The following PCDHA5 variants were observed in gnomAD, a reference collection of about 807,000 sequenced individuals.
The protein encoded by PCDHA5 is protocadherin alpha-5.
A neutral mutation model predicts 61.6 loss-of-function variants in PCDHA5; 43 were observed. That is an observed-to-expected ratio of 0.70 (90% CI 0.55 to 0.90). The LOEUF (loss-of-function observed/expected upper bound fraction) is 0.90. Among genes scored for constraint, PCDHA5 ranks in the 40% least tolerant of loss-of-function variants. The pLI, the probability that PCDHA5 is intolerant of heterozygous loss-of-function variation, is 0.00. For missense variants in PCDHA5, 1,298 were observed against 1,222.7 expected (o/e 1.06, Z -0.92); for synonymous variants, 627 against 543.9 (o/e 1.15, Z -2.13).
At chr5:140,959,614 G>T (rs1175211325) in intron 1 of PCDHA5, among the ~76,000 whole-genome samples, 1 of 152,024 alleles carries the variant, frequency 6.6e-6, no homozygotes, top group African/African-American at 2.4e-5. Context: ...TTTCTTGCTT[G>T]TGATAGAAAA....
rs782495760 is a variant in PCDHA5 at position 141,010,201 on chromosome 5, C to T, written c.*264C>T. Reference sequence around the variant, plus strand: ...GCAGACCCAAGTTTCCTTTCTCCTCCGCCGCAAAGGAGAGGCTTCCCAGCC... The same window carrying T: ...GCAGACCCAAGTTTCCTTTCTCCTCTGCCGCAAAGGAGAGGCTTCCCAGCC... On this transcript the variant is annotated 3_prime_UTR_variant, in exon 4 of 4. Coordinates refer to ENST00000529859, the MANE Select transcript of PCDHA5 (RefSeq NM_018908.3). The T allele has an allele frequency of 1.3e-5, 20 of 1,552,034 alleles. No individual in the cohort carries two copies. The East Asian group carries it at 1.7e-4, about 13-fold the overall frequency.
chr5:140,858,571 C>A lies in PCDHA5; in HGVS notation c.2352+34444C>A, dbSNP rs377514565. On this transcript the variant is annotated intron_variant, in intron 1 of 3. Transcript: ENST00000529859. ...TATGCTTGAATATTTCTAGTGATAC[C>A]TTTGTAATATAATTTATTCCAGGAG... 1.0e-4 allele frequency: 142 copies of A among 1,362,202 alleles called. 6 individuals carry two copies. The highest frequency in any genetic ancestry group is 1.4e-4 in the Non-Finnish European group (135 of 988,482). The allele number at this position is 1,362,202 out of a possible 1,614,324, so 84.4% of individuals were successfully genotyped here. A position where few individuals can be genotyped will look rare whatever the true frequency, so the allele number is the denominator to read the frequency against.
chr5:141,010,446 C>G lies in PCDHA5; in HGVS notation c.*509C>G, dbSNP rs951181939. 39 of 944,590 alleles carry G rather than the reference C, an allele frequency of 4.1e-5. No homozygotes were observed. Among genetic ancestry groups the G allele is most frequent in the Non-Finnish European group, 5.6e-5 (37 of 656,282 alleles). The allele number at this position is 944,590 out of a possible 1,614,324, so 58.5% of individuals were successfully genotyped here. On this transcript the variant is annotated 3_prime_UTR_variant, in exon 4 of 4. Coordinates refer to ENST00000529859, the MANE Select transcript of PCDHA5 (RefSeq NM_018908.3). ...AGGCAAGAAAACAAAGACAAATAAA[C>G]AGCGGAAGTTATCAGTATGGAGGGG...
intron 1 of PCDHA5, among the ~76,000 whole-genome samples, chr5:140,934,465 A>G (rs1313806464): frequency 1.3e-5 from 2 of 152,152 alleles, no homozygotes; most frequent in African/African-American, 4.8e-5. Context: ...ATGTTTTAAC[A>G]TTATTTTGAA....
At chr5:140,898,497 T>G (rs1473036595) in intron 1 of PCDHA5, among the ~76,000 whole-genome samples, 2 of 152,216 alleles carry the variant, frequency 1.3e-5, no homozygotes, top group African/African-American at 4.8e-5. Flanking sequence ...ATCAGATAGT[T>G]GTAGATATGC....
intron 1 of PCDHA5, among the ~76,000 whole-genome samples, chr5:140,881,835 G>A (rs1048266615): frequency 2.6e-5 from 4 of 152,124 alleles, no homozygotes; most frequent in Non-Finnish European, 5.9e-5. Context: ...AGTTCTGCAT[G>A]GAATTCTTAC....
At chr5:140,941,202 C>CCTTTCTTCCTTCCTTTCTTTCTTT (rs1394736170) in intron 1 of PCDHA5, among the ~76,000 whole-genome samples, 4 of 122,742 alleles carry the variant, frequency 3.3e-5, no homozygotes, top group African/African-American at 5.9e-5. Context: ...TTTCTTTCTT[C>CCTTTCTTCCTTCCTTTCTTTCTTT]CTTTCTTTCT....
intron 1 of PCDHA5, chr5:140,834,401 A>T (rs2150216637): frequency 1.9e-6 from 3 of 1,606,010 alleles, no homozygotes; most frequent in South Asian, 1.1e-5. Context: ...GCCCGAATGG[A>T]TACGACCCAG....
chr5:140,872,756 A>G (rs987230878), intron 1 of PCDHA5, among the ~76,000 whole-genome samples: 1 of 152,342 alleles, frequency 6.6e-6, no homozygotes, highest in East Asian at 1.9e-4. Context: ...AAAGACATGC[A>G]TATAGGGCTA....
At chr5:140,954,968 G>T (rs531304394) in intron 1 of PCDHA5, among the ~76,000 whole-genome samples, 4 of 152,200 alleles carry the variant, frequency 2.6e-5, no homozygotes, top group African/African-American at 9.6e-5. Context: ...TAAGGAAAGG[G>T]TCCAGTTTCA....
intron 3 of PCDHA5, among the ~76,000 whole-genome samples, chr5:141,001,157 A>T (rs1554258022): frequency 6.6e-6 from 1 of 152,136 alleles, no homozygotes; most frequent in African/African-American, 2.4e-5. Flanking sequence ...TGATCTTAAT[A>T]AGTAAAATTT....
intron 1 of PCDHA5, chr5:140,852,884 T>A (rs1486240342): frequency 6.4e-6 from 6 of 931,694 alleles, no homozygotes; most frequent in Non-Finnish European, 7.8e-6. Context: ...TCATAAAACG[T>A]ATTTTTTTTT....
chr5:140,877,193 G>T, intron 1 of PCDHA5: 1 of 1,613,832 alleles, frequency 6.2e-7, no homozygotes, highest in Non-Finnish European at 8.5e-7. Flanking sequence ...GGCAGCGCAG[G>T]AGGCGCAGTT....
rs2150503431 is a variant in PCDHA5, at chr5:140,850,946, T to C, written c.2352+26819T>C. 14 of 1,504,084 alleles carry C rather than the reference T, an allele frequency of 9.3e-6. 3 individuals are homozygous for C. Among genetic ancestry groups the C allele is most frequent in the Non-Finnish European group, 1.3e-5 (14 of 1,119,924 alleles). 93.2% of individuals were successfully genotyped at this position (1,504,084 alleles called of 1,614,324 possible). A position where few individuals can be genotyped will look rare whatever the true frequency, so the allele number is the denominator to read the frequency against. ...TAATTTTTTTTCTTGAAAGATATTA[T>C]CGATTACTCCCAGGGGCCGTTCAAA... On this transcript the variant is annotated intron_variant, in intron 1 of 3. Coordinates refer to ENST00000529859, the MANE Select transcript of PCDHA5 (RefSeq NM_018908.3).
At position 140,882,067 on chromosome 5, in the gene PCDHA5, G is replaced by A. The variant is rs1031145324; in HGVS notation, c.2352+57940G>A. 7.1e-6 allele frequency: 6 copies of A among 848,700 alleles called. No individual in the cohort carries two copies. The East Asian group carries it at 8.0e-5, about 11-fold the overall frequency. 52.6% of individuals were successfully genotyped at this position (848,700 alleles called of 1,614,324 possible). A position where few individuals can be genotyped will look rare whatever the true frequency, so the allele number is the denominator to read the frequency against. ...GTCATACTTACACTTACACGTTCATGCGCATGGTGTCGCTCTTCACTGAGA... is the reference window on the plus strand; with the variant it reads ...GTCATACTTACACTTACACGTTCATACGCATGGTGTCGCTCTTCACTGAGA... On this transcript the variant is annotated intron_variant, in intron 1 of 3. Transcript: ENST00000529859.
intron 1 of PCDHA5, among the ~76,000 whole-genome samples, chr5:140,888,973 A>G (rs1173174070): frequency 2.6e-5 from 4 of 152,078 alleles, no homozygotes; most frequent in African/African-American, 9.7e-5. Flanking sequence ...TAATGTGTTG[A>G]ATTTATGATT....
chr5:140,975,953 T>C (rs1554237158), intron 1 of PCDHA5, among the ~76,000 whole-genome samples: 1 of 152,084 alleles, frequency 6.6e-6, no homozygotes, highest in East Asian at 1.9e-4. Flanking sequence ...CATATTAGAG[T>C]TCTTCACCAA....
chr5:140,850,540 C>T, intron 1 of PCDHA5: 1 of 1,598,246 alleles, frequency 6.3e-7, no homozygotes, highest in Non-Finnish European at 8.6e-7. Flanking sequence ...TCGTCGCGGG[C>T]GTCAGTGGGT....
chr5:140,942,478 C>T (rs2093304158), intron 1 of PCDHA5, among the ~76,000 whole-genome samples: 1 of 151,408 alleles, frequency 6.6e-6, no homozygotes, highest in African/African-American at 2.4e-5. Flanking sequence ...ATTCAAGCTA[C>T]AACTGAAATA....
Sources: allele counts gnomAD v4.1 joint callset (sites outside exome capture counted in the v4.1 genomes callset), GRCh38; gene constraint gnomAD v4.1.1; transcripts MANE v1.5; gene names NCBI Gene and HGNC (gene_info 2026-07-23, HGNC 2026-07-21).